OR2L13: variants seen among roughly 807,000 people sequenced by gnomAD.
OR2L13 encodes the protein olfactory receptor family 2 subfamily L member 13.
A neutral mutation model predicts 15.3 loss-of-function variants in OR2L13; 14 were observed. The ratio of observed to expected loss-of-function variants is 0.91; its 90% CI spans 0.60 to 1.43. The LOEUF (loss-of-function observed/expected upper bound fraction) is 1.43. OR2L13 is among the 40% of genes most tolerant of loss of function. The probability of loss-of-function intolerance (pLI) is 0.00; values close to 1 mark genes in which losing one functional copy is unlikely to be tolerated. For synonymous variants in OR2L13, 152 were observed against 142.9 expected, an observed-to-expected ratio of 1.06 and a Z score of -0.45; for missense variants, 367 against 387.9, an observed-to-expected ratio of 0.95 and a Z score of 0.45.
At chr1:248,071,456 A>C in the OR2L13 span, among the ~76,000 whole-genome samples, 1 of 152,120 alleles carries the variant, frequency 6.6e-6, no homozygotes, top group Non-Finnish European at 1.5e-5. Context: ...TCAATAAATT[A>C]GGTATTGATG....
At chr1:247,949,074 A>G in the OR2L13 span, 11 of 1,613,772 alleles carry the variant, frequency 6.8e-6, no homozygotes, top group Non-Finnish European at 6.8e-6. Context: ...CCTAAATTAC[A>G]TCTCCACCAT....
At chr1:247,951,920 A>C in the OR2L13 span, among the ~76,000 whole-genome samples, 1 of 152,060 alleles carries the variant, frequency 6.6e-6, no homozygotes, top group Non-Finnish European at 1.5e-5. Context: ...GGCATACCCC[A>C]GACACTGCTT....
chr1:247,978,049 G>T, the OR2L13 span, among the ~76,000 whole-genome samples: 5 of 151,870 alleles, frequency 3.3e-5, no homozygotes, highest in African/African-American at 1.2e-4. Flanking sequence ...TTCCTGGGTC[G>T]GGTGGGGACT....
chr1:248,060,855 G>A, the OR2L13 span: 2 of 1,613,848 alleles, frequency 1.2e-6, no homozygotes, highest in East Asian at 2.2e-5. Context: ...ACACACCCAT[G>A]TATTTCCTAC....
the OR2L13 span, among the ~76,000 whole-genome samples, chr1:248,075,888 A>G: frequency 6.6e-6 from 1 of 152,090 alleles, no homozygotes; most frequent in East Asian, 1.9e-4. Context: ...TTTTGTTGCC[A>G]TTGCTTTTGG....
the OR2L13 span, among the ~76,000 whole-genome samples, chr1:247,938,397 T>C: frequency 6.6e-6 from 1 of 152,136 alleles, no homozygotes; most frequent in Non-Finnish European, 1.5e-5. Flanking sequence ...AAGAGCAGCA[T>C]GAAATCAGAG....
the OR2L13 span, among the ~76,000 whole-genome samples, chr1:247,959,850 T>G: frequency 6.6e-6 from 1 of 152,192 alleles, no homozygotes; most frequent in African/African-American, 2.4e-5. Flanking sequence ...TCATCTAATT[T>G]TTTTCAAGGT....
At chr1:248,051,443 G>T in the OR2L13 span, among the ~76,000 whole-genome samples, 13 of 152,250 alleles carry the variant, frequency 8.5e-5, no homozygotes, top group South Asian at 2.1e-3. Flanking sequence ...GAATAGTATT[G>T]CTATGAACAT....
At chr1:247,962,973 A>C in the OR2L13 span, among the ~76,000 whole-genome samples, 1 of 152,188 alleles carries the variant, frequency 6.6e-6, no homozygotes, top group Non-Finnish European at 1.5e-5. Flanking sequence ...TGGACTTGCA[A>C]ATGTTCTAGT....
the OR2L13 span, among the ~76,000 whole-genome samples, chr1:247,977,261 A>C: frequency 1.3e-5 from 2 of 152,246 alleles, no homozygotes; most frequent in African/African-American, 2.4e-5. Context: ...AATAATTAGA[A>C]TCAACCAGCA....
At chr1:248,052,544 T>C in the OR2L13 span, among the ~76,000 whole-genome samples, 1 of 151,988 alleles carries the variant, frequency 6.6e-6, no homozygotes, top group African/African-American at 2.4e-5. Flanking sequence ...CTGGCTAACA[T>C]GGTGAAACCC....
the OR2L13 span, among the ~76,000 whole-genome samples, chr1:248,005,901 T>C: frequency 6.6e-6 from 1 of 152,196 alleles, no homozygotes; most frequent in African/African-American, 2.4e-5. Context: ...AGAGTAAGTC[T>C]TTGTTGTGCT....
the OR2L13 span, among the ~76,000 whole-genome samples, chr1:247,977,158 G>A: frequency 2.0e-5 from 3 of 152,150 alleles, no homozygotes; most frequent in South Asian, 6.2e-4. Flanking sequence ...CTCTTCACAT[G>A]CCCAGATGAT....
the OR2L13 span, among the ~76,000 whole-genome samples, chr1:247,995,554 C>T: frequency 1.2e-4 from 18 of 152,234 alleles, no homozygotes; most frequent in Non-Finnish European, 2.2e-4. Flanking sequence ...TTTATACAAT[C>T]TAGAGCATAA....
chr1:248,031,606 A>T, the OR2L13 span, among the ~76,000 whole-genome samples: 1 of 152,168 alleles, frequency 6.6e-6, no homozygotes, highest in Non-Finnish European at 1.5e-5. Context: ...GCACCACCGC[A>T]GGCAGAGCTG....
chr1:247,959,159 AT>A, the OR2L13 span, among the ~76,000 whole-genome samples: 10 of 151,952 alleles, frequency 6.6e-5, no homozygotes, highest in Admixed American at 6.6e-4. Flanking sequence ...ATCTCTCAGC[AT>A]TTGCTTGTCT....
the OR2L13 span, among the ~76,000 whole-genome samples, chr1:247,986,998 A>G: frequency 6.6e-6 from 1 of 152,048 alleles, no homozygotes; most frequent in Non-Finnish European, 1.5e-5. Context: ...GTCATTTTTC[A>G]GTGTATAAGC....
the OR2L13 span, among the ~76,000 whole-genome samples, chr1:248,069,944 A>G: frequency 6.6e-6 from 1 of 152,120 alleles, no homozygotes; most frequent in African/African-American, 2.4e-5. Context: ...ATATATATGC[A>G]CCCAATACAG....
the OR2L13 span, among the ~76,000 whole-genome samples, chr1:247,954,572 T>C: frequency 6.6e-6 from 1 of 152,080 alleles, no homozygotes; most frequent in South Asian, 2.1e-4. Flanking sequence ...AAAATCTGAT[T>C]GTATCAATCA....
Sources: allele counts gnomAD v4.1 joint callset (sites outside exome capture counted in the v4.1 genomes callset), GRCh38; gene constraint gnomAD v4.1.1; transcripts MANE v1.5; gene names NCBI Gene and HGNC (gene_info 2026-07-23, HGNC 2026-07-21).